Variants in GABRG2 observed in about 807,000 individuals in gnomAD.
GABRG2 encodes gamma-aminobutyric acid receptor subunit gamma-2.
GABRG2 carries 16 observed loss-of-function variants against 56.4 expected under a neutral mutation model. The observed-to-expected ratio is 0.28, with a 90% CI of 0.19 to 0.43. GABRG2 has a LOEUF of 0.43. Ranked by LOEUF, GABRG2 falls within the 20% of genes least tolerant of loss-of-function variation. The probability of loss-of-function intolerance (pLI) is 1.00; values close to 1 mark genes in which losing one functional copy is unlikely to be tolerated. For synonymous variants in GABRG2, 208 were observed against 205.5 expected (o/e 1.01, Z -0.10); for missense variants, 327 against 582.7 (o/e 0.56, Z 4.52).
chr5:162,112,886 T>C (rs893450784), intron 6 of GABRG2, among the ~76,000 whole-genome samples: 2 of 152,284 alleles, frequency 1.3e-5, no homozygotes, highest in African/African-American at 4.8e-5. Context: ...GGAAAAAGGA[T>C]TGACCAATAT....
chr5:162,074,026 T>G (rs1372782261), intron 1 of GABRG2, among the ~76,000 whole-genome samples: 1 of 151,988 alleles, frequency 6.6e-6, no homozygotes, highest in Non-Finnish European at 1.5e-5. Context: ...ATACTTTGGT[T>G]GTTTAGAGAT....
intron 6 of GABRG2, among the ~76,000 whole-genome samples, chr5:162,139,258 A>G (rs1403248673): frequency 6.6e-6 from 1 of 152,242 alleles, no homozygotes; most frequent in Non-Finnish European, 1.5e-5. Flanking sequence ...TGGCAGAAGT[A>G]ACCACCTTTG....
chr5:162,142,796 G>A (rs1764676435), intron 7 of GABRG2: 1 of 249,008 alleles, frequency 4.0e-6, no homozygotes, highest in Non-Finnish European at 7.9e-6. Flanking sequence ...TATACCTAAT[G>A]TTAAATGACG....
At chr5:162,075,849 A>C (rs1212152704) in intron 1 of GABRG2, among the ~76,000 whole-genome samples, 1 of 152,122 alleles carries the variant, frequency 6.6e-6, no homozygotes, top group African/African-American at 2.4e-5. Context: ...ATCAGGGTTC[A>C]GTTTGATGAC....
intron 5 of GABRG2, chr5:162,102,043 T>A (rs1289764797): frequency 6.4e-6 from 1 of 156,278 alleles, no homozygotes; most frequent in Non-Finnish European, 1.4e-5. Flanking sequence ...AATCTGATTA[T>A]AGATTTTAAA....
rs559346202 is a variant in GABRG2, at chr5:162,148,827, C to A, written c.923-281C>A. On this transcript the variant is annotated intron_variant, in intron 7 of 9. Coordinates refer to ENST00000639213, the MANE Select transcript of GABRG2 (RefSeq NM_198904.4). ...GCACATACCATAATGTAACATTATA[C>A]TTTTCTCTGCTGACATGATTCACAG... 7.2e-5 allele frequency among the ~76,000 whole-genome samples: 11 copies of A among 152,300 alleles called. No individual in the cohort carries two copies. The South Asian group carries it at 1.9e-3, about 26-fold the overall frequency.
chr5:162,078,395 ATATTTTTTT>A (rs1759354087), intron 1 of GABRG2, among the ~76,000 whole-genome samples: 1 of 38,390 alleles, frequency 2.6e-5, no homozygotes, highest in African/African-American at 1.4e-4. Flanking sequence ...ATATATATAT[ATATTTTTTT>A]TTTTTTTTTT....
At position 162,129,918 on chromosome 5, in the gene GABRG2, A is replaced by G. The variant is rs552272014; in HGVS notation, c.770-12246A>G. Among the ~76,000 whole-genome samples, 169 of 152,072 alleles carry G rather than the reference A, an allele frequency of 1.1e-3. 1 individual carries two copies. Among genetic ancestry groups the G allele is most frequent in the African/African-American group, 3.9e-3 (164 of 41,550 alleles). On this transcript the variant is annotated intron_variant, in intron 6 of 9. Coordinates refer to ENST00000639213, the MANE Select transcript of GABRG2 (RefSeq NM_198904.4). ...TTGAATTTGTTATAATTTATAGGGA[A>G]GAGAAAGAGAATTAGAGAAGAGATC...
At chr5:162,074,268 T>C (rs1758909254) in intron 1 of GABRG2, among the ~76,000 whole-genome samples, 1 of 152,024 alleles carries the variant, frequency 6.6e-6, no homozygotes, top group South Asian at 2.1e-4. Context: ...TAAAAATCAT[T>C]GTATAACTCT....
At chr5:162,147,371 G>A (rs141585459) in intron 7 of GABRG2, among the ~76,000 whole-genome samples, 1 of 136,264 alleles carries the variant, frequency 7.3e-6, no homozygotes, top group African/African-American at 2.8e-5. Context: ...CTGTCTGTCT[G>A]TCTTTCTTTT....
chr5:162,104,600 A>T (rs1180297402), intron 6 of GABRG2, among the ~76,000 whole-genome samples: 2 of 152,084 alleles, frequency 1.3e-5, no homozygotes, highest in Non-Finnish European at 2.9e-5. Context: ...AATGTGCATT[A>T]AAAAAAATTG....
chr5:162,126,192 A>G (rs1406883927), intron 6 of GABRG2, among the ~76,000 whole-genome samples: 4 of 151,994 alleles, frequency 2.6e-5, no homozygotes, highest in Non-Finnish European at 4.4e-5. Context: ...GACATTTCAT[A>G]TTAAGATTAG....
intron 1 of GABRG2, among the ~76,000 whole-genome samples, chr5:162,081,629 T>C (rs1175255645): frequency 2.0e-5 from 3 of 152,032 alleles, no homozygotes; most frequent in Admixed American, 1.3e-4. Context: ...ATCTAAGTTG[T>C]TGATGTGTCA....
At chr5:162,135,331 A>G (rs1315817773) in intron 6 of GABRG2, among the ~76,000 whole-genome samples, 1 of 152,174 alleles carries the variant, frequency 6.6e-6, no homozygotes, top group East Asian at 1.9e-4. Flanking sequence ...TTTGTAATGT[A>G]AAAGTTTAAT....
chr5:162,142,744 T>A (rs1275121939), intron 7 of GABRG2: 2 of 305,886 alleles, frequency 6.5e-6, no homozygotes, highest in Non-Finnish European at 1.3e-5. Context: ...CACCGGGGCC[T>A]GTTGTGGGGT....
intron 6 of GABRG2, among the ~76,000 whole-genome samples, chr5:162,129,906 A>C (rs2113530424): frequency 6.6e-6 from 1 of 152,024 alleles, no homozygotes; most frequent in Non-Finnish European, 1.5e-5. Context: ...AATTTGTTAT[A>C]ATTTATAGGG....
At chr5:162,095,846 CA>C (rs1472325786) in intron 3 of GABRG2, among the ~76,000 whole-genome samples, 1 of 151,926 alleles carries the variant, frequency 6.6e-6, no homozygotes, top group African/African-American at 2.4e-5. Flanking sequence ...CTACTTACTA[CA>C]AAATAGGATA....
At chr5:162,067,669 G>A (rs1758316188), upstream of GABRG2, 11 of 596,098 alleles carry the variant, frequency 1.8e-5, no homozygotes, top group Middle Eastern at 4.4e-4. Flanking sequence ...GAGTATACAC[G>A]AGTGTGCGTG....
intron 8 of GABRG2, chr5:162,150,202 A>G (rs1404751759): frequency 2.0e-5 from 3 of 152,320 alleles, no homozygotes; most frequent in Admixed American, 1.3e-4. Context: ...ATTTAAAAAC[A>G]CTTGTCTTAT....
Sources: gnomAD v4.1 joint callset for allele counts (sites outside exome capture counted in the v4.1 genomes callset) on GRCh38, gnomAD v4.1.1 for gene constraint, MANE v1.5 for transcripts, NCBI Gene and HGNC (gene_info 2026-07-23, HGNC 2026-07-21) for gene names.